The following NCOR2 variants were observed in gnomAD, a reference collection of about 807,000 sequenced individuals.
NCOR2 encodes the protein CTG repeat protein 26.
NCOR2 carries 81 observed loss-of-function variants against 262.9 expected under a neutral mutation model. The ratio of observed to expected loss-of-function variants is 0.31; its 90% confidence interval spans 0.26 to 0.37. NCOR2 has a LOEUF of 0.37. Ranked by LOEUF, NCOR2 falls within the 10% of genes least tolerant of loss-of-function variation. NCOR2 has a pLI of 1.00. For missense variants in NCOR2, 3,385 were observed against 3,621.4 expected, an observed-to-expected ratio of 0.93 and a Z score of 1.68; for synonymous variants, 1,659 against 1,559.3, an observed-to-expected ratio of 1.06 and a Z score of -1.51.
In NCOR2 at chr12:124,523,284, A is replaced by G. The variant is rs1221202437; in HGVS notation, c.-118+12281T>C. ...CTGCAGCACCATCCGGCACGCCAGAATACCATGGGCACCCAGCAACTGGCA... is the reference window on the plus strand; with the variant it reads ...CTGCAGCACCATCCGGCACGCCAGAGTACCATGGGCACCCAGCAACTGGCA... On this transcript the variant is annotated intron_variant, in intron 1 of 46. Transcript: ENST00000404621. The surrounding 1 kb of genome is among the most constrained non-coding windows in gnomAD (Gnocchi z 4.0). Among the ~76,000 whole-genome samples the G allele has an allele frequency of 6.6e-6, 1 of 152,212 alleles. No homozygotes were observed. The highest frequency in any genetic ancestry group is 1.5e-5 in the Non-Finnish European group (1 of 68,034).
At position 124,372,012 on chromosome 12, in the gene NCOR2, G is replaced by A. The variant is rs772866544; in HGVS notation, c.2807+10C>T. On this transcript the variant is annotated intron_variant, in intron 20 of 46. Transcript: ENST00000405201. The stretch of plus-strand genomic sequence containing the variant: ...AAAGCCAAGGTTAGGGCTGCCTGGC[G>A]CCCACTCACCGGTTCTTGTCGCCGC... 27 of 1,575,486 alleles carry A rather than the reference G, an allele frequency of 1.7e-5. No homozygotes were observed. The highest frequency in any genetic ancestry group is 7.0e-5 in the Admixed American group (4 of 57,458).
intron 2 of NCOR2, among the ~76,000 whole-genome samples, chr12:124,484,650 G>T (rs763101748): frequency 2.6e-5 from 4 of 152,204 alleles, no homozygotes; most frequent in Non-Finnish European, 5.9e-5. Flanking sequence ...TCTGCCTGGA[G>T]CACTGAGACC....
intron 1 of NCOR2, among the ~76,000 whole-genome samples, chr12:124,510,126 T>G (rs2049308856): frequency 6.6e-6 from 1 of 152,140 alleles, no homozygotes. Context: ...TCCTGGGTTG[T>G]AAAACAAGTG....
chr12:124,460,311 C>G (rs1480858864), intron 5 of NCOR2, among the ~76,000 whole-genome samples: 1 of 152,240 alleles, frequency 6.6e-6, no homozygotes. Flanking sequence ...CTCAGGCGGT[C>G]TCTGGGGCAA....
chr12:124,475,594 C>T (rs1253372213), intron 3 of NCOR2, among the ~76,000 whole-genome samples: 1 of 152,262 alleles, frequency 6.6e-6, no homozygotes, highest in Non-Finnish European at 1.5e-5. Context: ...AACAAATGGG[C>T]ATGGCTGTGT....
intron 17 of NCOR2, among the ~76,000 whole-genome samples, chr12:124,385,314 G>A (rs557167265): frequency 9.2e-5 from 14 of 152,306 alleles, no homozygotes; most frequent in African/African-American, 2.6e-4. Context: ...CAGCCCTAAA[G>A]CTGTGAGGTC....
chr12:124,503,601 T>TGGAA lies in NCOR2; in HGVS notation c.-117-8234_-117-8233insTTCC, dbSNP rs1458080573. On this transcript the variant is annotated intron_variant, in intron 1 of 46. Transcript: ENST00000404621. The surrounding 1 kb of genome is among the most constrained non-coding windows in gnomAD (Gnocchi z 4.3). ...ACGGACGGATGGACGGATGGATGGA[T>TGGAA]GGACGGACGGACGGATGGATGGATG... 7.6e-6 allele frequency among the ~76,000 whole-genome samples: 1 copy of TGGAA among 131,794 alleles called. No individual in the cohort carries two copies. The highest frequency in any genetic ancestry group is 1.6e-5 in the Non-Finnish European group (1 of 62,418). 86.5% of individuals were successfully genotyped at this position (131,794 alleles called of 152,430 possible).
chr12:124,473,892 G>A (rs1193528512), intron 3 of NCOR2, among the ~76,000 whole-genome samples: 1 of 152,062 alleles, frequency 6.6e-6, no homozygotes, highest in Non-Finnish European at 1.5e-5. Context: ...CATCTGTCAG[G>A]ACAGTCCTCA....
chr12:124,350,189 C>T (rs77731053), intron 28 of NCOR2, among the ~76,000 whole-genome samples: 2,379 of 152,274 alleles, frequency 0.016, 79 homozygotes, highest in East Asian at 0.12. Context: ...AGGATGGGGG[C>T]TCCGCAGCAA....
chr12:124,519,734 A>C (rs1016375603), intron 1 of NCOR2, among the ~76,000 whole-genome samples: 24 of 152,278 alleles, frequency 1.6e-4, no homozygotes, highest in African/African-American at 5.3e-4. Context: ...GGCCACACAC[A>C]CCGAGCCCAG....
rs1261490655 is a variant in NCOR2 at position 124,378,583 on chromosome 12, T to C, written c.2020-199A>G. On this transcript the variant is annotated intron_variant, in intron 17 of 46. Coordinates refer to ENST00000405201, the Ensembl canonical transcript of NCOR2. The surrounding 1 kb of genome is among the most constrained non-coding windows in gnomAD (Gnocchi z 4.2). Reference sequence around the variant, plus strand: ...TTTTACCGGGGGCTTTATTCTTCCATTGAGCCCCAGATACACTCTGGGTAC... The same window carrying C: ...TTTTACCGGGGGCTTTATTCTTCCACTGAGCCCCAGATACACTCTGGGTAC... Among the ~76,000 whole-genome samples, 1 of 152,168 alleles carries C rather than the reference T, an allele frequency of 6.6e-6. No homozygotes were observed. Among genetic ancestry groups the C allele is most frequent in the Admixed American group, 6.5e-5 (1 of 15,278 alleles).
chr12:124,333,230 T>C (rs755099933), exon 42 of NCOR2: 1 of 1,612,938 alleles, frequency 6.2e-7, no homozygotes, highest in Non-Finnish European at 8.5e-7. Context: ...ACAGGTTCAA[T>C]ACCGTCCTCA....
intron 18 of NCOR2, among the ~76,000 whole-genome samples, chr12:124,375,724 G>T (rs1430021987): frequency 2.0e-5 from 3 of 152,222 alleles, no homozygotes; most frequent in Admixed American, 6.5e-5. Flanking sequence ...CTATGCCTCA[G>T]TCTCCCCATC....
At chr12:124,505,957 G>A (rs1367081903) in intron 1 of NCOR2, among the ~76,000 whole-genome samples, 1 of 152,012 alleles carries the variant, frequency 6.6e-6, no homozygotes, top group Non-Finnish European at 1.5e-5. Context: ...AAATAGGCCA[G>A]GTGCAAAACC....
chr12:124,340,472 C>T (rs200341292), intron 35 of NCOR2, 29 bp from the exon 38 acceptor site: 21 of 1,602,986 alleles, frequency 1.3e-5, no homozygotes, highest in Non-Finnish European at 1.3e-5. Flanking sequence ...AGAGACTCAG[C>T]CCCAGGGCCG....
intron 1 of NCOR2, among the ~76,000 whole-genome samples, chr12:124,520,779 G>A (rs576935617): frequency 1.4e-4 from 21 of 152,240 alleles, no homozygotes; most frequent in African/African-American, 2.6e-4. Context: ...AGCCTTCGAC[G>A]GCGACCACCC....
At position 124,443,417 on chromosome 12, in the gene NCOR2, G is replaced by A. The variant is rs148981573; in HGVS notation, c.816-5421C>T. On this transcript the variant is annotated intron_variant, in intron 7 of 46. Coordinates refer to ENST00000405201, the Ensembl canonical transcript of NCOR2. The surrounding 1 kb of genome is among the most constrained non-coding windows in gnomAD (Gnocchi z 4.4). Reference sequence around the variant, plus strand: ...AAGTCTGCAAACACATGTCAAGTCCGCAGGGTGCAAACTGCACAGTGCACA... The same window carrying A: ...AAGTCTGCAAACACATGTCAAGTCCACAGGGTGCAAACTGCACAGTGCACA... Among the ~76,000 whole-genome samples, 189 of 152,342 alleles carry A rather than the reference G, an allele frequency of 1.2e-3. No individual in the cohort carries two copies. Among genetic ancestry groups the A allele is most frequent in the African/African-American group, 4.4e-3 (184 of 41,578 alleles).
chr12:124,461,247 G>A (rs2046145612), intron 5 of NCOR2, among the ~76,000 whole-genome samples: 1 of 152,258 alleles, frequency 6.6e-6, no homozygotes, highest in Non-Finnish European at 1.5e-5. Context: ...GGGTGGGGCT[G>A]ACGCCGCAGG....
At chr12:124,377,360 G>A (rs1169714757) in intron 18 of NCOR2, among the ~76,000 whole-genome samples, 1 of 152,192 alleles carries the variant, frequency 6.6e-6, no homozygotes, top group Non-Finnish European at 1.5e-5. Flanking sequence ...AAGTGCCTGA[G>A]CCTCGGTTTC....
Sources: gnomAD v4.1 joint callset for allele counts (sites outside exome capture counted in the v4.1 genomes callset) on GRCh38, gnomAD v4.1.1 for gene constraint, Gnocchi (gnomAD v3.1) non-coding constraint, MANE v1.5 for transcripts, NCBI Gene and HGNC (gene_info 2026-07-23, HGNC 2026-07-21) for gene names.